The following SEPTIN8 variants were observed in gnomAD, a reference collection of about 807,000 sequenced individuals.
SEPTIN8 encodes the protein septin-8.
SEPTIN8 carries 22 observed loss-of-function variants against 53.1 expected under a neutral mutation model. The ratio of observed to expected loss-of-function variants is 0.41; its 90% CI spans 0.30 to 0.59. The LOEUF is 0.59. SEPTIN8 is among the 20% of genes least tolerant of loss of function. The probability of loss-of-function intolerance (pLI) is 0.24; values close to 1 mark genes in which losing one functional copy is unlikely to be tolerated. For missense variants in SEPTIN8, 536 were observed against 638.7 expected, an observed-to-expected ratio of 0.84 and a Z score of 1.73; for synonymous variants, 228 against 248.4, an observed-to-expected ratio of 0.92 and a Z score of 0.77.
intron 9 of SEPTIN8, 147 bp from the exon 10 acceptor site, chr5:132,752,328 T>A (rs1581123307): frequency 1.8e-6 from 2 of 1,102,474 alleles, no homozygotes; most frequent in East Asian, 5.2e-5. Flanking sequence ...GGAAAGAGTC[T>A]GCCCAAAGGC....
intron 1 of SEPTIN8, among the ~76,000 whole-genome samples, chr5:132,771,119 T>A (rs770115191): frequency 6.6e-6 from 1 of 152,224 alleles, no homozygotes; most frequent in Non-Finnish European, 1.5e-5. Flanking sequence ...GGAAATGCTC[T>A]GTCTGAGCCT....
chr5:132,751,787 G>A lies in SEPTIN8; in HGVS notation c.*229C>T, dbSNP rs1754864393. 1 of 709,804 alleles carries A rather than the reference G, an allele frequency of 1.4e-6. No homozygotes were observed. Among genetic ancestry groups the A allele is most frequent in the Non-Finnish European group, 2.3e-6 (1 of 444,006 alleles). The allele number at this position is 709,804 out of a possible 1,614,324, so 44.0% of individuals were successfully genotyped here. A position where few individuals can be genotyped will look rare whatever the true frequency, so the allele number is the denominator to read the frequency against. On this transcript the variant is annotated 3_prime_UTR_variant, in exon 10 of 10. Transcript: ENST00000378719. ...TTTTTGGTCCCGGAGTGGAAGCTCAGCTTGGCCACAGGATGGGCATTAAGC... is the reference window on the plus strand; with the variant it reads ...TTTTTGGTCCCGGAGTGGAAGCTCAACTTGGCCACAGGATGGGCATTAAGC...
chr5:132,765,573 G>A (rs1025715934), intron 1 of SEPTIN8, 44 bp from the exon 2 acceptor site: 10 of 1,536,996 alleles, frequency 6.5e-6, no homozygotes, highest in Non-Finnish European at 7.8e-6. Context: ...CACTGGGGAA[G>A]AAAGGTCAAG....
At chr5:132,755,227 C>A (rs1299986394) in intron 9 of SEPTIN8, among the ~76,000 whole-genome samples, 2 of 152,200 alleles carry the variant, frequency 1.3e-5, no homozygotes, top group African/African-American at 4.8e-5. Context: ...CTACCTAGTG[C>A]TCAATGGAGA....
chr5:132,757,662 G>C (rs1755469337), intron 9 of SEPTIN8: 4 of 985,216 alleles, frequency 4.1e-6, no homozygotes, highest in Non-Finnish European at 4.8e-6. Context: ...CTTTCATTTA[G>C]TCATTTTACA....
In SEPTIN8 at chr5:132,761,892, T is replaced by C. The variant is rs757915350; in HGVS notation, c.701A>G (p.His234Arg). The C allele has an allele frequency of 4.4e-6, 7 of 1,590,422 alleles. No homozygotes were observed. The highest frequency in any genetic ancestry group is 1.7e-4 in the Middle Eastern group (1 of 6,056). ...GCTGCCCACCACGGCAAAGGGCAGA[T>C]GTGCCTGGAAAGGGGCCCGGGTATG... ...VAEINAVMNA[H>R]LPFAVVGSTE... The change falls in exon 6 of 10, where the codon CAT (histidine) becomes CGT (arginine). Residue 234 changes from histidine to arginine, a missense_variant. By Grantham distance (29) the His-to-Arg change is conservative (BLOSUM62 0). Coordinates refer to ENST00000378719, the MANE Select transcript of SEPTIN8 (RefSeq NM_001098811.2). This position sits in a 1 kb window ranked among gnomAD's most constrained non-coding sequence, Gnocchi z 5.8.
At chr5:132,774,868 G>C (rs1187641468) in intron 1 of SEPTIN8, among the ~76,000 whole-genome samples, 1 of 152,182 alleles carries the variant, frequency 6.6e-6, no homozygotes, top group East Asian at 1.9e-4. Flanking sequence ...TGAGGAACCA[G>C]TGTGGCTCTG....
chr5:132,756,086 A>G (rs947692474), intron 9 of SEPTIN8: 14 of 985,456 alleles, frequency 1.4e-5, no homozygotes, highest in Non-Finnish European at 1.7e-5. Context: ...ATGCAGGAGT[A>G]AATGAATTAA....
Position 132,760,807 on chromosome 5 carries a change from C to A in SEPTIN8, c.1281G>T (p.Lys427Asn). 1.2e-6 allele frequency: 2 copies of A among 1,613,512 alleles called. No homozygotes were observed. The highest frequency in any genetic ancestry group is 1.1e-5 in the South Asian group (1 of 91,066). Reference protein sequence around the residue: ...SQQPLRKDKDKKNRSDIGAHQ... With the variant: ...SQQPLRKDKDNKNRSDIGAHQ... ...AGGCGCAGCCTGCCACCTACTTCTT[C>A]TTGTCCTTGTCCTTCCTCAGGGGCT... The change falls in exon 9 of 10, where the codon AAG (lysine) becomes AAT (asparagine). Residue 427 changes from lysine to asparagine, a missense_variant. Lys to Asn is a moderately conservative substitution (Grantham distance 94, BLOSUM62 0). Around this residue, in one of 3 missense-constraint regions of SEPTIN8, gnomAD observed 133 missense variants for 157.4 expected, o/e 0.84. Transcript: ENST00000378719. This position sits in a 1 kb window ranked among gnomAD's most constrained non-coding sequence, Gnocchi z 5.2.
chr5:132,757,369 C>T (rs1189704527), intron 9 of SEPTIN8: 1 of 985,340 alleles, frequency 1.0e-6, no homozygotes, highest in Non-Finnish European at 1.2e-6. Flanking sequence ...GCTCACCCCT[C>T]CACTTCTCCC....
chr5:132,764,488 G>A, intron 2 of SEPTIN8, 69 bp from the exon 3 acceptor site: 2 of 1,350,044 alleles, frequency 1.5e-6, no homozygotes. Flanking sequence ...CTTGACTGGT[G>A]GCTAGGCCAG....
chr5:132,770,501 G>T (rs1757219718), intron 1 of SEPTIN8, among the ~76,000 whole-genome samples: 1 of 152,104 alleles, frequency 6.6e-6, no homozygotes, highest in Non-Finnish European at 1.5e-5. Flanking sequence ...ATTTTTATGT[G>T]AAATTCTGTA....
chr5:132,774,526 C>A (rs992149072), intron 1 of SEPTIN8, among the ~76,000 whole-genome samples: 15 of 152,290 alleles, frequency 9.8e-5, no homozygotes, highest in Middle Eastern at 6.8e-3. Context: ...CTCCACACAC[C>A]CACACACAGG....
chr5:132,774,167 G>C (rs1422104738), intron 1 of SEPTIN8: 2 of 166,890 alleles, frequency 1.2e-5, no homozygotes, highest in Non-Finnish European at 2.9e-5. Flanking sequence ...CGCTTCTTGG[G>C]GAAGTATCAA....
rs1757779456 is a variant in SEPTIN8 at position 132,776,246 on chromosome 5, C to T, written c.30+862G>A. Reference sequence around the variant, plus strand: ...AAGAGGACACAGCTTCCTTCACTGTCACAGCCTAGCCTCCCAGACACACCC... The same window carrying T: ...AAGAGGACACAGCTTCCTTCACTGTTACAGCCTAGCCTCCCAGACACACCC... On this transcript the variant is annotated intron_variant, in intron 1 of 9. Transcript: ENST00000378719. The surrounding 1 kb of genome is among the most constrained non-coding windows in gnomAD (Gnocchi z 4.4). Among the ~76,000 whole-genome samples the T allele has an allele frequency of 6.6e-6, 1 of 152,066 alleles. No homozygotes were observed. Among genetic ancestry groups the T allele is most frequent in the Admixed American group, 6.5e-5 (1 of 15,276 alleles).
At position 132,750,978 on chromosome 5, in the gene SEPTIN8, C is replaced by T. The variant is rs774280984; in HGVS notation, c.*1038G>A. On this transcript the variant is annotated 3_prime_UTR_variant, in exon 10 of 10. Transcript: ENST00000378719. ...CACTGGGACCTCTATATTGGGACGCCGCTGGACTTCTTGACTATAGTGAGT... is the reference window on the plus strand; with the variant it reads ...CACTGGGACCTCTATATTGGGACGCTGCTGGACTTCTTGACTATAGTGAGT... The T allele has an allele frequency of 5.0e-5, 81 of 1,613,934 alleles. 1 individual carries two copies. The highest frequency in any genetic ancestry group is 6.4e-5 in the Non-Finnish European group (76 of 1,180,014).
chr5:132,766,164 AC>A (rs965495663), intron 1 of SEPTIN8, among the ~76,000 whole-genome samples: 58 of 150,760 alleles, frequency 3.8e-4, no homozygotes, highest in African/African-American at 1.2e-3. Context: ...CACTCACACA[AC>A]CCCCCCGTGG....
Position 132,760,678 on chromosome 5 carries a change from A to G in SEPTIN8, c.1286+124T>C. The G allele has an allele frequency of 1.1e-6, 1 of 940,654 alleles. No individual in the cohort carries two copies. The highest frequency in any genetic ancestry group is 1.6e-6 in the Non-Finnish European group (1 of 624,526). 58.3% of individuals were successfully genotyped at this position (940,654 alleles called of 1,614,324 possible). A position where few individuals can be genotyped will look rare whatever the true frequency, so the allele number is the denominator to read the frequency against. On this transcript the variant is annotated intron_variant, in intron 9 of 9. Coordinates refer to ENST00000378719, the MANE Select transcript of SEPTIN8 (RefSeq NM_001098811.2). The surrounding 1 kb of genome is among the most constrained non-coding windows in gnomAD (Gnocchi z 5.2). ...GGGGAGAGCCACTGAAGATGAGGGA[A>G]AACCAAACAGGAAAGGGGTAAGAGA...
Position 132,765,476 on chromosome 5 carries a change from G to A in SEPTIN8, c.84C>T (p.Asp28=). The change falls in exon 2 of 10, where the codon GAC becomes GAT. Residue 28 remains aspartate (D), a synonymous_variant. Coordinates refer to ENST00000378719, the MANE Select transcript of SEPTIN8 (RefSeq NM_001098811.2). ...SLSLGGHVGF[D]SLPDQLVSKS... The stretch of plus-strand genomic sequence containing the variant: ...TGCTGACCAGCTGGTCGGGGAGGCT[G>A]TCGAAACCCACATGGCCGCCCAGGG... 6.2e-7 allele frequency: 1 copy of A among 1,613,184 alleles called. No individual in the cohort carries two copies. The highest frequency in any genetic ancestry group is 1.1e-5 in the South Asian group (1 of 91,028).
Sources: gnomAD v4.1 joint callset for allele counts (sites outside exome capture counted in the v4.1 genomes callset) on GRCh38, gnomAD v4.1.1 for gene constraint, gnomAD v4.1.1 regional missense constraint, Gnocchi (gnomAD v3.1) non-coding constraint, MANE v1.5 for transcripts, NCBI Gene and HGNC (gene_info 2026-07-23, HGNC 2026-07-21) for gene names.